Variants in ARHGAP26 observed in about 807,000 individuals in gnomAD.
ARHGAP26 encodes rho GTPase-activating protein 26.
ARHGAP26 carries 38 observed loss-of-function variants against 104.8 expected under a neutral mutation model. The observed-to-expected ratio is 0.36, with a 90% CI of 0.28 to 0.48. ARHGAP26 has a LOEUF of 0.48. Among genes scored for constraint, ARHGAP26 ranks in the 20% least tolerant of loss-of-function variants. The probability of loss-of-function intolerance (pLI) is 0.99; values close to 1 mark genes in which losing one functional copy is unlikely to be tolerated. For synonymous variants in ARHGAP26, 341 were observed against 340.0 expected (o/e 1.00, Z -0.03); for missense variants, 704 against 947.9 (o/e 0.74, Z 3.38).
intron 11 of ARHGAP26, among the ~76,000 whole-genome samples, chr5:142,950,267 G>A (rs1487737809): frequency 6.6e-6 from 1 of 152,152 alleles, no homozygotes; most frequent in African/African-American, 2.4e-5. Flanking sequence ...ACATGCATTT[G>A]AGGGATGTCT....
chr5:142,879,332 G>A, intron 3 of ARHGAP26, 42 bp from the exon 4 acceptor site: 2 of 1,575,808 alleles, frequency 1.3e-6, no homozygotes, highest in Non-Finnish European at 1.7e-6. Flanking sequence ...TACTGATACT[G>A]CTTTTGTGTC....
chr5:142,958,823 C>CT (rs1769683736), intron 11 of ARHGAP26, among the ~76,000 whole-genome samples: 2 of 150,026 alleles, frequency 1.3e-5, no homozygotes, highest in East Asian at 3.9e-4. Flanking sequence ...AATCCCAGAG[C>CT]TTTGGGAGGC....
chr5:143,193,240 CTTT>C (rs57462040), intron 20 of ARHGAP26, among the ~76,000 whole-genome samples: 7 of 74,582 alleles, frequency 9.4e-5, no homozygotes, highest in Non-Finnish European at 1.2e-4. Context: ...ATTTTCTTTT[CTTT>C]TTTTTTTTTT....
intron 20 of ARHGAP26, among the ~76,000 whole-genome samples, chr5:143,198,893 A>G (rs908775759): frequency 6.6e-6 from 1 of 152,266 alleles, no homozygotes; most frequent in Non-Finnish European, 1.5e-5. Context: ...GGTTTGGGGT[A>G]CAAATGATCC....
intron 1 of ARHGAP26, chr5:142,868,669 G>C (rs1322928593): frequency 6.5e-6 from 1 of 152,876 alleles, no homozygotes; most frequent in Non-Finnish European, 1.5e-5. Context: ...GGTGCCCTTC[G>C]TTACACTGGG....
intron 13 of ARHGAP26, among the ~76,000 whole-genome samples, chr5:143,040,204 C>T (rs1261209884): frequency 3.9e-5 from 6 of 152,200 alleles, no homozygotes; most frequent in African/African-American, 1.4e-4. Flanking sequence ...ACTTGGGACC[C>T]ATCACTTAGT....
chr5:143,083,053 C>A (rs1248712275), intron 17 of ARHGAP26, among the ~76,000 whole-genome samples: 1 of 151,202 alleles, frequency 6.6e-6, no homozygotes, highest in African/African-American at 2.5e-5. Flanking sequence ...AGAATCTCAG[C>A]CGAGTATAAT....
chr5:143,086,431 C>T (rs1790600812), intron 17 of ARHGAP26, among the ~76,000 whole-genome samples: 1 of 149,752 alleles, frequency 6.7e-6, no homozygotes, highest in Non-Finnish European at 1.5e-5. Flanking sequence ...GAAGTTGCTT[C>T]AACGAGCCAT....
At chr5:142,895,897 A>G (rs1190349768) in intron 6 of ARHGAP26, among the ~76,000 whole-genome samples, 1 of 152,174 alleles carries the variant, frequency 6.6e-6, no homozygotes, top group Non-Finnish European at 1.5e-5. Context: ...CTAGAACTAT[A>G]ATTTCTGGAT....
chr5:142,942,701 G>T (rs1290167633), intron 11 of ARHGAP26, among the ~76,000 whole-genome samples: 3 of 152,156 alleles, frequency 2.0e-5, no homozygotes, highest in Non-Finnish European at 4.4e-5. Flanking sequence ...GCTTAACTCA[G>T]CCAGGAATTA....
chr5:143,119,444 G>A (rs1288530966), intron 17 of ARHGAP26, among the ~76,000 whole-genome samples: 4 of 152,138 alleles, frequency 2.6e-5, no homozygotes, highest in Non-Finnish European at 5.9e-5. Context: ...TTGTAAATAT[G>A]CATACTTGCT....
chr5:142,895,076 C>T (rs1291707891), intron 6 of ARHGAP26, among the ~76,000 whole-genome samples: 2 of 152,210 alleles, frequency 1.3e-5, no homozygotes, highest in Non-Finnish European at 2.9e-5. Flanking sequence ...AGGAAGACTT[C>T]ATGGAAACAC....
chr5:142,901,798 ATT>A, intron 6 of ARHGAP26, 135 bp from the exon 7 acceptor site: 1 of 678,300 alleles, frequency 1.5e-6, no homozygotes, highest in Non-Finnish European at 2.5e-6. Flanking sequence ...CTGGCACACA[ATT>A]GGTGCTCTTT....
intron 20 of ARHGAP26, chr5:143,202,391 A>G (rs1807889420): frequency 6.6e-6 from 1 of 152,096 alleles, no homozygotes; most frequent in Non-Finnish European, 1.5e-5. Context: ...AAAACTACAG[A>G]CCACTGCTCG....
intron 4 of ARHGAP26, among the ~76,000 whole-genome samples, chr5:142,881,267 C>T (rs1756962033): frequency 1.3e-5 from 2 of 152,146 alleles, no homozygotes; most frequent in Admixed American, 6.5e-5. Context: ...GTTACTTCTC[C>T]TTCTGAGCAC....
At chr5:142,865,153 T>TC (rs1338487056) in intron 1 of ARHGAP26, among the ~76,000 whole-genome samples, 1 of 152,244 alleles carries the variant, frequency 6.6e-6, no homozygotes, top group Non-Finnish European at 1.5e-5. Context: ...ACCTCAGTTC[T>TC]CTGTGCCAGG....
At chr5:143,002,856 C>T (rs1207522436) in intron 11 of ARHGAP26, among the ~76,000 whole-genome samples, 1 of 152,180 alleles carries the variant, frequency 6.6e-6, no homozygotes, top group Non-Finnish European at 1.5e-5. Flanking sequence ...AAGGAAATTG[C>T]ATAACATTGC....
intron 1 of ARHGAP26, among the ~76,000 whole-genome samples, chr5:142,786,654 ATT>A (rs70991779): frequency 0.19 from 19,594 of 104,802 alleles, 2,955 homozygotes; most frequent in African/African-American, 0.46. Context: ...GAGTTCTAGA[ATT>A]TTTTTTTTTT....
intron 11 of ARHGAP26, among the ~76,000 whole-genome samples, chr5:142,979,933 G>C (rs978190524): frequency 6.6e-6 from 1 of 152,214 alleles, no homozygotes; most frequent in Non-Finnish European, 1.5e-5. Flanking sequence ...GTCACCTGGA[G>C]TGGATAATGC....
Sources: allele counts gnomAD v4.1 joint callset (sites outside exome capture counted in the v4.1 genomes callset), GRCh38; gene constraint gnomAD v4.1.1; transcripts MANE v1.5; gene names NCBI Gene and HGNC (gene_info 2026-07-23, HGNC 2026-07-21).